IL1RAPL1: variants seen among roughly 807,000 people sequenced by gnomAD.
The protein encoded by IL1RAPL1 is interleukin-1 receptor accessory protein-like 1.
IL1RAPL1 carries 3 observed loss-of-function variants against 48.4 expected under a neutral mutation model. The observed-to-expected ratio is 0.06, with a 90% confidence interval of 0.03 to 0.16. The LOEUF (loss-of-function observed/expected upper bound fraction) is 0.16. Ranked by LOEUF, IL1RAPL1 falls within the 10% of genes least tolerant of loss-of-function variation. The pLI, the probability that IL1RAPL1 is intolerant of heterozygous loss-of-function variation, is 1.00. For missense variants in IL1RAPL1, 349 were observed against 530.6 expected, an observed-to-expected ratio of 0.66 and a Z score of 3.36; for synonymous variants, 185 against 187.7, an observed-to-expected ratio of 0.99 and a Z score of 0.12.
intron 1 of IL1RAPL1, among the ~76,000 whole-genome samples, chrX:28,665,917 A>T (rs751755037): frequency 1.8e-5 from 2 of 111,929 alleles, no homozygotes; most frequent in Non-Finnish European, 3.8e-5. Context: ...AAAAACAGAG[A>T]CTCAAGAGTG....
chrX:28,724,480 T>C (rs1054246047), intron 1 of IL1RAPL1, among the ~76,000 whole-genome samples: 7 of 111,219 alleles, frequency 6.3e-5, no homozygotes, highest in African/African-American at 2.3e-4. Context: ...ATTTTGAGCC[T>C]ATATGTGTCT....
chrX:29,272,071 T>A (rs1217117936), intron 2 of IL1RAPL1, among the ~76,000 whole-genome samples: 1 of 111,776 alleles, frequency 8.9e-6, no homozygotes, highest in East Asian at 2.8e-4. Context: ...TCAGCTTGAG[T>A]TAATTTTTGT....
chrX:28,860,710 G>A (rs1483962933), intron 2 of IL1RAPL1, among the ~76,000 whole-genome samples: 5 of 110,311 alleles, frequency 4.5e-5, no homozygotes, highest in African/African-American at 1.7e-4. Flanking sequence ...CCGCCCCCCC[G>A]CTTAGCCTCC....
At chrX:29,843,899 C>T (rs1057422776) in intron 6 of IL1RAPL1, among the ~76,000 whole-genome samples, 1 of 110,645 alleles carries the variant, frequency 9.0e-6, no homozygotes, top group African/African-American at 3.3e-5. Context: ...TGGACCCACC[C>T]AGATATTCCA....
intron 2 of IL1RAPL1, among the ~76,000 whole-genome samples, chrX:28,873,948 T>A: frequency 9.3e-6 from 1 of 107,028 alleles, no homozygotes; most frequent in African/African-American, 3.5e-5. Flanking sequence ...AGCCACCTTG[T>A]TCAGATTTTT....
intron 1 of IL1RAPL1, among the ~76,000 whole-genome samples, chrX:28,610,324 A>G (rs1268882190): frequency 8.9e-6 from 1 of 112,019 alleles, no homozygotes; most frequent in East Asian, 2.8e-4. Context: ...TCGCCCATCC[A>G]AGTAACTTTG....
At chrX:28,675,323 G>A (rs1048975746) in intron 1 of IL1RAPL1, among the ~76,000 whole-genome samples, 3 of 111,471 alleles carry the variant, frequency 2.7e-5, no homozygotes, top group Non-Finnish European at 5.6e-5. Context: ...TATTTCCATA[G>A]TATTGTTCAA....
chrX:29,421,820 C>T (rs1016208834), intron 5 of IL1RAPL1, among the ~76,000 whole-genome samples: 8 of 111,841 alleles, frequency 7.2e-5, no homozygotes, highest in Non-Finnish European at 1.5e-4. Context: ...AGTGGTGTGA[C>T]TTCAGTTATA....
At chrX:29,849,142 G>A (rs1349097713) in intron 6 of IL1RAPL1, among the ~76,000 whole-genome samples, 1 of 110,785 alleles carries the variant, frequency 9.0e-6, no homozygotes, top group Non-Finnish European at 1.9e-5. Flanking sequence ...AAAAAAAATG[G>A]GTAAGCTACC....
At chrX:29,304,283 A>C (rs1019081570) in intron 3 of IL1RAPL1, among the ~76,000 whole-genome samples, 7 of 111,170 alleles carry the variant, frequency 6.3e-5, no homozygotes, top group African/African-American at 2.3e-4. Context: ...ATTCTAAATA[A>C]ATAGATTGTT....
intron 2 of IL1RAPL1, among the ~76,000 whole-genome samples, chrX:29,003,891 C>A (rs1376346474): frequency 8.9e-6 from 1 of 112,072 alleles, no homozygotes; most frequent in Admixed American, 9.4e-5. Context: ...CCTGTAATCC[C>A]AGCACTTTGG....
At chrX:29,448,666 A>C (rs1055769789) in intron 5 of IL1RAPL1, among the ~76,000 whole-genome samples, 13 of 112,181 alleles carry the variant, frequency 1.2e-4, no homozygotes, top group African/African-American at 4.2e-4. Flanking sequence ...AAATGGGAAT[A>C]GCTAGCATTT....
At chrX:28,807,363 T>G (rs956574321) in intron 2 of IL1RAPL1, among the ~76,000 whole-genome samples, 1 of 107,075 alleles carries the variant, frequency 9.3e-6, no homozygotes, top group Non-Finnish European at 2.0e-5. Flanking sequence ...AATGTTTGTG[T>G]TCTGAATTAC....
At chrX:29,591,674 T>C (rs944280298) in intron 5 of IL1RAPL1, among the ~76,000 whole-genome samples, 1 of 112,451 alleles carries the variant, frequency 8.9e-6, no homozygotes, top group Non-Finnish European at 1.9e-5. Context: ...CACTGAACCT[T>C]GGGGGAAGCC....
chrX:29,123,491 A>G (rs192383325), intron 2 of IL1RAPL1, among the ~76,000 whole-genome samples: 1 of 112,424 alleles, frequency 8.9e-6, no homozygotes, highest in African/African-American at 3.2e-5. Flanking sequence ...GCTTCCCGCT[A>G]ATAAATGGCA....
At chrX:29,314,043 A>T (rs1932758401) in intron 3 of IL1RAPL1, among the ~76,000 whole-genome samples, 1 of 111,964 alleles carries the variant, frequency 8.9e-6, no homozygotes, top group South Asian at 3.7e-4. Context: ...TAAATAATTC[A>T]TTCGCGATTG....
chrX:29,376,574 T>C (rs61115965), intron 3 of IL1RAPL1, among the ~76,000 whole-genome samples: 3,852 of 110,441 alleles, frequency 0.035, 162 homozygotes, highest in African/African-American at 0.12. Context: ...GGTTTCACCA[T>C]GTCACCCAGG....
chrX:29,018,519 G>C (rs1037087202), intron 2 of IL1RAPL1, among the ~76,000 whole-genome samples: 2 of 111,786 alleles, frequency 1.8e-5, no homozygotes, highest in African/African-American at 3.3e-5. Context: ...TAAAGGACAA[G>C]TGAACATGTG....
intron 2 of IL1RAPL1, among the ~76,000 whole-genome samples, chrX:29,174,943 G>A (rs182945583): frequency 5.9e-4 from 65 of 109,436 alleles, no homozygotes; most frequent in Admixed American, 5.5e-3. Context: ...GCGTGGTGGC[G>A]GGCACCTGTA....
Sources: allele counts gnomAD v4.1 joint callset (sites outside exome capture counted in the v4.1 genomes callset), GRCh38; gene constraint gnomAD v4.1.1; transcripts MANE v1.5; gene names NCBI Gene and HGNC (gene_info 2026-07-23, HGNC 2026-07-21).